Variants in BCAR3 observed in about 807,000 individuals in gnomAD.
BCAR3 encodes the protein BCAR3 adaptor protein, NSP family member.
A neutral mutation model predicts 80.1 loss-of-function variants in BCAR3; 37 were observed. The ratio of observed to expected loss-of-function variants is 0.46; its 90% CI spans 0.36 to 0.61. BCAR3 has a LOEUF of 0.61. Among genes scored for constraint, BCAR3 ranks in the 20% least tolerant of loss-of-function variants. The pLI is 0.00. For missense variants in BCAR3, 978 were observed against 1,068.2 expected (o/e 0.92, Z 1.18); for synonymous variants, 389 against 418.9 (o/e 0.93, Z 0.87).
At chr1:93,709,948 G>GA (rs1649962723) in intron 2 of BCAR3, among the ~76,000 whole-genome samples, 1 of 152,118 alleles carries the variant, frequency 6.6e-6, no homozygotes, top group Non-Finnish European at 1.5e-5. Flanking sequence ...ATCAATTCAT[G>GA]AAATGAATGG....
intron 5 of BCAR3, among the ~76,000 whole-genome samples, chr1:93,584,615 C>A (rs978618375): frequency 1.3e-5 from 2 of 152,214 alleles, no homozygotes; most frequent in African/African-American, 4.8e-5. Context: ...CCCAAATAAC[C>A]TGCAGGACTG....
intron 2 of BCAR3, among the ~76,000 whole-genome samples, chr1:93,643,174 C>A (rs1185982566): frequency 6.6e-6 from 1 of 150,624 alleles, no homozygotes; most frequent in Admixed American, 6.6e-5. Flanking sequence ...TTGCGGCGAG[C>A]CAAGATCACA....
intron 2 of BCAR3, among the ~76,000 whole-genome samples, chr1:93,782,108 T>C (rs1186419028): frequency 2.0e-5 from 3 of 152,122 alleles, no homozygotes; most frequent in South Asian, 4.1e-4. Flanking sequence ...AGAACCGGAA[T>C]GGAGGGAAAA....
At chr1:93,845,480 A>G (rs868586235) in intron 2 of BCAR3, 5 of 3,542 alleles carry the variant, frequency 1.4e-3, no homozygotes, top group African/African-American at 6.2e-3. Flanking sequence ...ATATATATAT[A>G]TATATATATA....
intron 2 of BCAR3, among the ~76,000 whole-genome samples, chr1:93,804,000 C>T (rs1454681794): frequency 6.6e-6 from 1 of 152,072 alleles, no homozygotes; most frequent in African/African-American, 2.4e-5. Flanking sequence ...GCAAAGTGGC[C>T]ATAAGTACAT....
At chr1:93,675,748 G>A (rs1291386633) in intron 1 of BCAR3, among the ~76,000 whole-genome samples, 1 of 151,994 alleles carries the variant, frequency 6.6e-6, no homozygotes, top group Non-Finnish European at 1.5e-5. Flanking sequence ...AGAATGGCAC[G>A]TCAGGCTGTG....
At chr1:93,812,853 A>C (rs1653893911) in intron 2 of BCAR3, among the ~76,000 whole-genome samples, 1 of 152,208 alleles carries the variant, frequency 6.6e-6, no homozygotes, top group Non-Finnish European at 1.5e-5. Flanking sequence ...GGCCTAAAAG[A>C]ATCAGAATTC....
intron 3 of BCAR3, among the ~76,000 whole-genome samples, chr1:93,615,004 CTTTTTTTTTTTTT>C (rs912095250): frequency 2.9e-3 from 348 of 121,988 alleles, no homozygotes; most frequent in Non-Finnish European, 5.4e-3. Context: ...TCAACGAGTT[CTTTTTTTTTTTTT>C]TTTTTTTTAA....
At chr1:93,788,330 T>TA (rs761359684) in intron 2 of BCAR3, among the ~76,000 whole-genome samples, 6 of 152,298 alleles carry the variant, frequency 3.9e-5, no homozygotes, top group Admixed American at 1.3e-4. Context: ...AGAAGTGAGG[T>TA]ACTGTTCTAT....
intron 8 of BCAR3, among the ~76,000 whole-genome samples, chr1:93,575,148 G>A (rs1673401644): frequency 6.6e-6 from 1 of 152,112 alleles, no homozygotes; most frequent in African/African-American, 2.4e-5. Context: ...CATGTGGCTG[G>A]TGGCTACTGT....
intron 2 of BCAR3, among the ~76,000 whole-genome samples, chr1:93,773,391 C>T (rs1342040803): frequency 6.6e-6 from 1 of 152,150 alleles, no homozygotes; most frequent in Admixed American, 6.5e-5. Context: ...TAGTTCAGAA[C>T]ATAAATGCTG....
chr1:93,816,638 T>G (rs924976079), intron 2 of BCAR3, among the ~76,000 whole-genome samples: 9 of 133,534 alleles, frequency 6.7e-5, no homozygotes, highest in Non-Finnish European at 1.4e-4. Flanking sequence ...ACCACTGCAT[T>G]CTAGCCTCGG....
At chr1:93,647,321 T>C (rs1676174167) in intron 2 of BCAR3, among the ~76,000 whole-genome samples, 2 of 152,186 alleles carry the variant, frequency 1.3e-5, no homozygotes. Context: ...GTCTTAGAGA[T>C]GCACCTCCTT....
intron 3 of BCAR3, among the ~76,000 whole-genome samples, chr1:93,612,057 A>G (rs777199353): frequency 1.1e-4 from 16 of 152,174 alleles, no homozygotes; most frequent in Admixed American, 2.6e-4. Context: ...TTAAAGTGGG[A>G]GTCAATAAAG....
chr1:93,567,444 G>A lies in BCAR3; in HGVS notation c.2134C>T (p.Pro712Ser), dbSNP rs1211692402. 6.2e-7 allele frequency: 1 copy of A among 1,614,244 alleles called. No homozygotes were observed. Among genetic ancestry groups the A allele is most frequent in the African/African-American group, 1.3e-5 (1 of 75,064 alleles). The change falls in exon 11 of 12, where the codon CCG (proline) becomes TCG (serine). Residue 712 changes from proline to serine, a missense_variant. Pro to Ser is a moderately conservative substitution (Grantham distance 74). Coordinates refer to ENST00000260502, the MANE Select transcript of BCAR3 (RefSeq NM_003567.4). ...PNNVSVPLLM[P>S]LVTLMERQAV... is the part of the protein sequence containing the mutation. ...TGGCGCTCCATTAACGTCACAAGCG[G>A]CATCAGCAGTGGGACTGATACATTG...
At chr1:93,572,548 AG>A (rs1426749340) in intron 8 of BCAR3, among the ~76,000 whole-genome samples, 1 of 152,184 alleles carries the variant, frequency 6.6e-6, no homozygotes, top group Admixed American at 6.5e-5. Context: ...GACCCAAAAC[AG>A]GAAGCAGGGT....
At chr1:93,692,169 T>C (rs910465411) in intron 3 of BCAR3, among the ~76,000 whole-genome samples, 2 of 152,154 alleles carry the variant, frequency 1.3e-5, no homozygotes, top group Non-Finnish European at 2.9e-5. Flanking sequence ...CGGCATCCAG[T>C]GCAAGAGCAG....
intron 2 of BCAR3, among the ~76,000 whole-genome samples, chr1:93,663,113 C>A (rs1647741771): frequency 6.6e-6 from 1 of 152,172 alleles, no homozygotes; most frequent in African/African-American, 2.4e-5. Context: ...ATTTATCCTA[C>A]CCTTTCCAGT....
intron 3 of BCAR3, among the ~76,000 whole-genome samples, chr1:93,613,003 C>A (rs1675001058): frequency 6.6e-6 from 1 of 152,192 alleles, no homozygotes; most frequent in African/African-American, 2.4e-5. Context: ...CATAACCCTG[C>A]TGCAGCCTTT....
Sources: gnomAD v4.1 joint callset for allele counts (sites outside exome capture counted in the v4.1 genomes callset) on GRCh38, gnomAD v4.1.1 for gene constraint, MANE v1.5 for transcripts, NCBI Gene and HGNC (gene_info 2026-07-23, HGNC 2026-07-21) for gene names.